CYP3A5: variants seen among roughly 807,000 people sequenced by gnomAD.
The protein encoded by CYP3A5 is cytochrome P450 3A5.
In CYP3A5, 51 loss-of-function variants were observed where a neutral mutation model predicts 55.9. That is an observed-to-expected ratio of 0.91 (90% CI 0.73 to 1.15). The LOEUF (loss-of-function observed/expected upper bound fraction) is 1.15. Ranked by LOEUF, CYP3A5 falls within the 50% of genes most tolerant of loss-of-function variation. The pLI is 0.00. For missense variants in CYP3A5, 533 were observed against 596.6 expected (o/e 0.89, Z 1.11); for synonymous variants, 196 against 213.9 (o/e 0.92, Z 0.73).
At chr7:99,655,236 A>G (rs2151376250) in intron 10 of CYP3A5, among the ~76,000 whole-genome samples, 1 of 152,292 alleles carries the variant, frequency 6.6e-6, no homozygotes, top group Middle Eastern at 3.4e-3. Flanking sequence ...TCTTTAATCC[A>G]TCTTGAATTA....
chr7:99,658,687 C>T (rs1007256152), intron 10 of CYP3A5: 4 of 152,238 alleles, frequency 2.6e-5, no homozygotes, highest in African/African-American at 7.2e-5. Flanking sequence ...TTTCCAACTT[C>T]GTTCTATTCT....
intron 11 of CYP3A5, 83 bp downstream of exon 11, chr7:99,652,470 G>A (rs942920680): frequency 3.0e-5 from 25 of 825,640 alleles, no homozygotes; most frequent in Admixed American, 5.1e-5. Flanking sequence ...ACAACCACAC[G>A]ATTGTCATGT....
intron 4 of CYP3A5, among the ~76,000 whole-genome samples, chr7:99,667,357 C>T (rs28365090): frequency 7.1e-4 from 108 of 152,276 alleles, no homozygotes; most frequent in African/African-American, 2.5e-3. Context: ...ACTGTTCTTC[C>T]AGTGGAATAG....
At chr7:99,658,992 T>C (rs1810086049) in intron 10 of CYP3A5, 1 of 152,234 alleles carries the variant, frequency 6.6e-6, no homozygotes, top group African/African-American at 2.4e-5. Flanking sequence ...TCTAATCTTT[T>C]TTCAAGGTTT....
At position 99,667,068 on chromosome 7, in the gene CYP3A5, A is replaced by G. The variant is rs1811095490; in HGVS notation, c.319-3T>C. 1.2e-6 allele frequency: 2 copies of G among 1,609,242 alleles called. No homozygotes were observed. Among genetic ancestry groups the G allele is most frequent in the Non-Finnish European group, 8.5e-7 (1 of 1,177,158 alleles). ...ATAAATCCCACTGGGCCTAAAGACT[A>G]GAGTTCAACAGAAACATTTTTTCTC... On this transcript the variant is annotated splice_region_variant and splice_polypyrimidine_tract_variant and intron_variant, in intron 4 of 12. Transcript: ENST00000222982.
chr7:99,654,247 A>G (rs1809483658), intron 10 of CYP3A5, among the ~76,000 whole-genome samples: 2 of 151,890 alleles, frequency 1.3e-5, no homozygotes, highest in Admixed American at 1.3e-4. Flanking sequence ...CCACCCCAAA[A>G]CAGGCCCCAG....
At chr7:99,657,967 C>T (rs1809946854) in intron 10 of CYP3A5, among the ~76,000 whole-genome samples, 1 of 152,106 alleles carries the variant, frequency 6.6e-6, no homozygotes, top group Admixed American at 6.6e-5. Flanking sequence ...TATTTTGAGC[C>T]TATGTGTTAC....
At position 99,679,921 on chromosome 7, in the gene CYP3A5, T is replaced by C. The variant is rs867796630; in HGVS notation, c.-25A>G. 1 of 1,608,132 alleles carries C rather than the reference T, an allele frequency of 6.2e-7. No homozygotes were observed. Among genetic ancestry groups the C allele is most frequent in the Non-Finnish European group, 8.5e-7 (1 of 1,174,672 alleles). On this transcript the variant is annotated 5_prime_UTR_variant, in exon 1 of 13. Transcript: ENST00000222982. ...TCGCCACTTTCCTTCTTCAACTGTG[T>C]TCTGTGAGTCTTCCTTTTAGCTGAG...
At position 99,662,939 on chromosome 7, in the gene CYP3A5, A is replaced by C; in HGVS notation, c.799-57T>G. The C allele has an allele frequency of 6.2e-7, 1 of 1,607,652 alleles. No individual in the cohort carries two copies. The highest frequency in any genetic ancestry group is 8.5e-7 in the Non-Finnish European group (1 of 1,176,036). On this transcript the variant is annotated intron_variant, in intron 8 of 12. Transcript: ENST00000222982. The surrounding 1 kb of genome is among the most constrained non-coding windows in gnomAD (Gnocchi z 4.3). ...AAAGTGACTCGTGAAGTCAGAAGTA[A>C]ATCAAAAGTGCAGTCCTCAACCTCC...
At chr7:99,672,739 C>T (rs1410566548) in intron 3 of CYP3A5, 60 bp from the exon 4 acceptor site, 15 of 1,609,154 alleles carry the variant, frequency 9.3e-6, no homozygotes, top group Non-Finnish European at 1.3e-5. Flanking sequence ...GCTGGAGCCA[C>T]ACCCAGGAAG....
rs763084061 is a variant in CYP3A5 at position 99,662,823 on chromosome 7, G to A, written c.858C>T (p.Ser286=). The change falls in exon 9 of 13, where the codon TCC becomes TCT. Residue 286 remains serine, a synonymous_variant. Coordinates refer to ENST00000222982, the MANE Select transcript of CYP3A5 (RefSeq NM_000777.5). The surrounding 1 kb of genome is among the most constrained non-coding windows in gnomAD (Gnocchi z 4.3). ...IDSQNSKETE[S]HKALSDLELA... ...GAAGCACTCCTTGGTTACCTTTGTG[G>A]GACTCAGTTTCTTTCGAATTCTGGG... 3.7e-6 allele frequency: 6 copies of A among 1,613,806 alleles called. No individual in the cohort carries two copies. Among genetic ancestry groups the A allele is most frequent in the Non-Finnish European group, 5.1e-6 (6 of 1,179,802 alleles).
Position 99,652,607 on chromosome 7 carries a change from G to A in CYP3A5, c.1199C>T (p.Ala400Val). The A allele has an allele frequency of 6.2e-7, 1 of 1,614,018 alleles. No individual in the cohort carries two copies. Among genetic ancestry groups the A allele is most frequent in the Non-Finnish European group, 8.5e-7 (1 of 1,179,952 alleles). The stretch of plus-strand genomic sequence containing the variant: ...CCAGTACTTTGGGTCATGGTGAAGA[G>A]CATAAGTTGGAATCACCACCATTGA... ...KGSMVVIPTY[A>V]LHHDPKYWTE... Residue 400 changes from alanine (A) to valine (V), a missense_variant, in exon 11 of 13, where the codon GCT becomes GTT. Transcript: ENST00000222982.
At chr7:99,677,631 G>T (rs1479152274) in intron 1 of CYP3A5, among the ~76,000 whole-genome samples, 2 of 152,188 alleles carry the variant, frequency 1.3e-5, no homozygotes, top group Non-Finnish European at 2.9e-5. Context: ...TACATGAAGG[G>T]CAGGGTTTGG....
rs1554416588 is a variant in CYP3A5, at chr7:99,653,309, G to A, written c.1027-530C>T. Among the ~76,000 whole-genome samples the A allele has an allele frequency of 1.3e-5, 2 of 152,070 alleles. No individual in the cohort carries two copies. The highest frequency in any genetic ancestry group is 2.4e-5 in the African/African-American group (1 of 41,422). On this transcript the variant is annotated intron_variant, in intron 10 of 12. Transcript: ENST00000222982. The surrounding 1 kb of genome is among the most constrained non-coding windows in gnomAD (Gnocchi z 4.2). ...CTACAAAAAATACAAAAACTAGCTG[G>A]GTGTGGTGGCGTGTGCCTGTAGTTC...
At chr7:99,663,012 G>A (rs1212010744) in intron 8 of CYP3A5, 130 bp from the exon 9 acceptor site, 23 of 1,449,322 alleles carry the variant, frequency 1.6e-5, no homozygotes, top group Non-Finnish European at 2.1e-5. Context: ...TTGAAGACGT[G>A]TTACCTGAGT....
rs368291919 is a variant in CYP3A5 at position 99,664,154 on chromosome 7, G to A, written c.671-59C>T. 111 of 1,345,930 alleles carry A rather than the reference G, an allele frequency of 8.2e-5. 1 individual carries two copies. The highest frequency in any genetic ancestry group is 4.0e-4 in the African/African-American group (27 of 67,012). 83.4% of individuals were successfully genotyped at this position (1,345,930 alleles called of 1,614,324 possible). A position where few individuals can be genotyped will look rare whatever the true frequency, so the allele number is the denominator to read the frequency against. On this transcript the variant is annotated intron_variant, in intron 7 of 12. Transcript: ENST00000222982. ...ATTGAAAATGCAAACTTTACCTGGAGCAATTATAATTTTCTCTACCAGTAA... is the reference window on the plus strand; with the variant it reads ...ATTGAAAATGCAAACTTTACCTGGAACAATTATAATTTTCTCTACCAGTAA...
chr7:99,658,198 A>G (rs912009272), intron 10 of CYP3A5, among the ~76,000 whole-genome samples: 4 of 152,122 alleles, frequency 2.6e-5, no homozygotes, highest in Non-Finnish European at 4.4e-5. Context: ...ACAATTTGGC[A>G]TGTTTTTGCA....
chr7:99,654,969 T>TCATTGTA, intron 10 of CYP3A5, among the ~76,000 whole-genome samples: 1 of 152,378 alleles, frequency 6.6e-6, no homozygotes, highest in East Asian at 1.9e-4. Context: ...TTGTAGATTC[T>TCATTGTA]GGATATTAGC....
intron 5 of CYP3A5, 110 bp from the exon 6 acceptor site, chr7:99,666,799 G>T: frequency 6.3e-7 from 1 of 1,593,738 alleles, no homozygotes; most frequent in Non-Finnish European, 8.6e-7. Flanking sequence ...AATGAATTTT[G>T]TGATGTCTTT....
Sources: gnomAD v4.1 joint callset for allele counts (sites outside exome capture counted in the v4.1 genomes callset) on GRCh38, gnomAD v4.1.1 for gene constraint, Gnocchi (gnomAD v3.1) non-coding constraint, MANE v1.5 for transcripts, NCBI Gene and HGNC (gene_info 2026-07-23, HGNC 2026-07-21) for gene names.